Variants in OPRM1 observed in about 807,000 individuals in gnomAD.
OPRM1 encodes the protein mu-type opioid receptor.
A neutral mutation model predicts 31.8 loss-of-function variants in OPRM1; 27 were observed. The ratio of observed to expected loss-of-function variants is 0.85; its 90% CI spans 0.63 to 1.17. The LOEUF (loss-of-function observed/expected upper bound fraction) is 1.17. OPRM1 is among the 50% of genes most tolerant of loss of function. OPRM1 has a pLI of 0.00. For missense variants in OPRM1, 536 were observed against 511.1 expected, an observed-to-expected ratio of 1.05 and a Z score of -0.47; for synonymous variants, 196 against 189.9, an observed-to-expected ratio of 1.03 and a Z score of -0.26.
intron 1 of OPRM1, among the ~76,000 whole-genome samples, chr6:154,066,607 T>C (rs1785464619): frequency 6.6e-6 from 1 of 151,984 alleles, no homozygotes; most frequent in Non-Finnish European, 1.5e-5. Context: ...TAAAGTTAAA[T>C]GAGATCACAA....
intron 3 of OPRM1, among the ~76,000 whole-genome samples, chr6:154,213,967 T>G (rs530041033): frequency 4.4e-4 from 67 of 152,318 alleles, no homozygotes; most frequent in African/African-American, 1.5e-3. Flanking sequence ...GTTTGAGATG[T>G]CATGAAGCCC....
rs796770670 is a variant in OPRM1, at chr6:154,127,473, C to T, written c.*8752C>T. ...GTTTATTTGTTTGTTGTGTTTAAGA[C>T]GTTTTACTTGTCCCTGAAATGTTTG... On this transcript the variant is annotated 3_prime_UTR_variant, in exon 4 of 4. Coordinates refer to ENST00000330432, the MANE Select transcript of OPRM1 (RefSeq NM_000914.5). Among the ~76,000 whole-genome samples, 7 of 152,054 alleles carry T rather than the reference C, an allele frequency of 4.6e-5. No homozygotes were observed. Among genetic ancestry groups the T allele is most frequent in the African/African-American group, 1.4e-4 (6 of 41,392 alleles).
chr6:154,112,406 C>G (rs1045834805), intron 3 of OPRM1, among the ~76,000 whole-genome samples: 4 of 152,206 alleles, frequency 2.6e-5, no homozygotes, highest in Non-Finnish European at 5.9e-5. Flanking sequence ...AGTTCCTTTG[C>G]CTTTATGTCT....
In OPRM1 at chr6:154,071,280, G is replaced by A. The variant is rs535444314; in HGVS notation, c.291-18546G>A. 9.2e-5 allele frequency among the ~76,000 whole-genome samples: 14 copies of A among 152,318 alleles called. No homozygotes were observed. In the East Asian group the frequency reaches 2.5e-3, roughly 27 times the overall value. ...CCAACACTAGCTTTCATACCCCCAG[G>A]TCTGCCTGAGGTGGGTTTCTGCCTG... On this transcript the variant is annotated intron_variant, in intron 1 of 3. Coordinates refer to ENST00000330432, the MANE Select transcript of OPRM1 (RefSeq NM_000914.5).
At chr6:154,135,493 AG>A (rs1798036826), downstream of OPRM1, among the ~76,000 whole-genome samples, 1 of 137,724 alleles carries the variant, frequency 7.3e-6, no homozygotes, top group Admixed American at 9.0e-5. Context: ...AGATAGATAT[AG>A]ATATAGATAT....
chr6:154,036,675 C>T (rs1779315757), upstream of OPRM1, among the ~76,000 whole-genome samples: 1 of 151,734 alleles, frequency 6.6e-6, no homozygotes, highest in East Asian at 1.9e-4. Context: ...TTAAGGTTTT[C>T]CCATAAAGAT....
chr6:154,056,344 G>T (rs1783282359), intron 1 of OPRM1, among the ~76,000 whole-genome samples: 1 of 151,778 alleles, frequency 6.6e-6, no homozygotes, highest in South Asian at 2.1e-4. Flanking sequence ...GGATAGTCTT[G>T]ATCTCTTGAC....
At position 154,130,673 on chromosome 6, in the gene OPRM1, C is replaced by T. The variant is rs1289291182; in HGVS notation, c.*11952C>T. On this transcript the variant is annotated 3_prime_UTR_variant, in exon 4 of 4. Transcript: ENST00000330432. ...TACTAATTGTATATCCATATAAAAG[C>T]ATTAGTACCATTATATGAAAGTATA... Among the ~76,000 whole-genome samples the T allele has an allele frequency of 6.6e-6, 1 of 151,670 alleles. No individual in the cohort carries two copies. The highest frequency in any genetic ancestry group is 2.4e-5 in the African/African-American group (1 of 41,252).
At chr6:154,020,242 A>AT (rs1279779849) in intron 1 of OPRM1, among the ~76,000 whole-genome samples, 5 of 152,206 alleles carry the variant, frequency 3.3e-5, no homozygotes. Context: ...ATGGGATTGC[A>AT]TGGTAAAAAT....
intron 1 of OPRM1, among the ~76,000 whole-genome samples, chr6:154,040,821 A>G (rs1779907735): frequency 6.6e-6 from 1 of 152,254 alleles, no homozygotes; most frequent in African/African-American, 2.4e-5. Flanking sequence ...CAGAGTGTGG[A>G]AGCTCTCAGT....
At chr6:154,165,084 C>T (rs1799320855) in intron 3 of OPRM1, among the ~76,000 whole-genome samples, 1 of 152,184 alleles carries the variant, frequency 6.6e-6, no homozygotes, top group African/African-American at 2.4e-5. Context: ...TGCTTGTCTA[C>T]ACTCCTACTT....
upstream of OPRM1, among the ~76,000 whole-genome samples, chr6:154,034,447 CTG>C (rs1268567708): frequency 6.6e-6 from 1 of 152,118 alleles, no homozygotes; most frequent in African/African-American, 2.4e-5. Context: ...ACTCAGGAGT[CTG>C]AGGCGGGAGA....
chr6:154,133,358 T>A (rs1480929175), downstream of OPRM1, among the ~76,000 whole-genome samples: 1 of 152,196 alleles, frequency 6.6e-6, no homozygotes, highest in African/African-American at 2.4e-5. Context: ...ACGATTAAAG[T>A]CCGATCCCTT....
At chr6:154,133,456 C>T (rs1797982378), downstream of OPRM1, among the ~76,000 whole-genome samples, 1 of 152,184 alleles carries the variant, frequency 6.6e-6, no homozygotes, top group Admixed American at 6.5e-5. Flanking sequence ...ACATTTGGGT[C>T]ACCTCCAGTC....
At position 154,089,878 on chromosome 6, in the gene OPRM1, G is replaced by A; in HGVS notation, c.343G>A (p.Ala115Thr). 1 of 1,613,922 alleles carries A rather than the reference G, an allele frequency of 6.2e-7. No homozygotes were observed. ...CATCTACATTTTCAACCTTGCTCTG[G>A]CAGATGCCTTAGCCACCAGTACCCT... ...TNIYIFNLAL[A>T]DALATSTLPF... The change falls in exon 2 of 4, where the codon GCA (alanine) becomes ACA (threonine). Residue 115 changes from alanine to threonine, a missense_variant. Transcript: ENST00000330432.
chr6:154,079,154 G>A (rs1219462658), intron 1 of OPRM1, among the ~76,000 whole-genome samples: 1 of 152,128 alleles, frequency 6.6e-6, no homozygotes, highest in Non-Finnish European at 1.5e-5. Flanking sequence ...TAAACAAAAG[G>A]AATCCAAAAC....
intron 1 of OPRM1, among the ~76,000 whole-genome samples, chr6:154,046,348 T>C (rs1781111705): frequency 6.6e-6 from 1 of 152,178 alleles, no homozygotes; most frequent in Admixed American, 6.5e-5. Context: ...TTCAGTTTAC[T>C]TCTTCTTGAG....
At chr6:154,095,755 C>T (rs1011985549) in intron 3 of OPRM1, among the ~76,000 whole-genome samples, 1 of 152,074 alleles carries the variant, frequency 6.6e-6, no homozygotes, top group African/African-American at 2.4e-5. Flanking sequence ...AGCCTCTGTG[C>T]CTGATTTATG....
intron 1 of OPRM1, among the ~76,000 whole-genome samples, chr6:154,043,558 T>TA (rs1780507885): frequency 1.3e-5 from 2 of 151,456 alleles, no homozygotes; most frequent in Non-Finnish European, 2.9e-5. Flanking sequence ...TATATATAAA[T>TA]TCACACACAC....
Sources: allele counts gnomAD v4.1 joint callset (sites outside exome capture counted in the v4.1 genomes callset), GRCh38; gene constraint gnomAD v4.1.1; transcripts MANE v1.5; gene names NCBI Gene and HGNC (gene_info 2026-07-23, HGNC 2026-07-21).